AUTS2: variants seen among roughly 807,000 people sequenced by gnomAD.
The protein encoded by AUTS2 is activator of transcription and developmental regulator AUTS2, also known as autism susceptibility gene 2 protein.
A neutral mutation model predicts 112.4 loss-of-function variants in AUTS2; 17 were observed. The ratio of observed to expected loss-of-function variants is 0.15; its 90% CI spans 0.10 to 0.23. The LOEUF (loss-of-function observed/expected upper bound fraction) is 0.23. Ranked by LOEUF, AUTS2 falls within the 10% of genes least tolerant of loss-of-function variation. The pLI is 1.00. For missense variants in AUTS2, 1,510 were observed against 1,701.6 expected, an observed-to-expected ratio of 0.89 and a Z score of 1.98; for synonymous variants, 751 against 702.7, an observed-to-expected ratio of 1.07 and a Z score of -1.09.
intron 5 of AUTS2, among the ~76,000 whole-genome samples, chr7:70,543,190 A>G (rs1800623880): frequency 6.6e-6 from 1 of 152,188 alleles, no homozygotes; most frequent in African/African-American, 2.4e-5. Flanking sequence ...AGGGAGGAGT[A>G]TTATAAAGAG....
Position 70,620,217 on chromosome 7 carries a change from G to A in AUTS2, c.691-78352G>A, listed in dbSNP as rs1313089304. 2.6e-5 allele frequency among the ~76,000 whole-genome samples: 4 copies of A among 152,196 alleles called. No individual in the cohort carries two copies. The East Asian group carries it at 7.7e-4, about 29-fold the overall frequency. ...CCTTCCTGAAAAACTGCATGTAAAT[G>A]CAATTTTTGACAGGTGGAATTTTGT... On this transcript the variant is annotated intron_variant, in intron 5 of 18. Transcript: ENST00000342771.
intron 4 of AUTS2, among the ~76,000 whole-genome samples, chr7:70,170,595 C>CTTTTTTTTTT (rs398005103): frequency 7.9e-6 from 1 of 127,014 alleles, no homozygotes. Context: ...GACACGTTAT[C>CTTTTTTTTTT]TTTTTTTTTT....
chr7:70,295,886 T>A (rs1373883994), intron 4 of AUTS2, among the ~76,000 whole-genome samples: 3 of 152,212 alleles, frequency 2.0e-5, no homozygotes, highest in East Asian at 3.9e-4. Context: ...GAAGCTAAGA[T>A]ATTAACTCAT....
rs186518357 is a variant in AUTS2 at position 70,620,383 on chromosome 7, T to C, written c.691-78186T>C. On this transcript the variant is annotated intron_variant, in intron 5 of 18. Coordinates refer to ENST00000342771, the MANE Select transcript of AUTS2 (RefSeq NM_015570.4). ...AATTCTCCAGCGGAGCGTGTAGCCGTACCCTGGTTTACCTGTTCAAGGAGT... is the reference window on the plus strand; with the variant it reads ...AATTCTCCAGCGGAGCGTGTAGCCGCACCCTGGTTTACCTGTTCAAGGAGT... Among the ~76,000 whole-genome samples, 355 of 152,264 alleles carry C rather than the reference T, an allele frequency of 2.3e-3. 1 individual carries two copies. The highest frequency in any genetic ancestry group is 7.3e-3 in the African/African-American group (302 of 41,546).
intron 6 of AUTS2, among the ~76,000 whole-genome samples, chr7:70,741,700 A>AAAAG (rs958693456): frequency 2.0e-5 from 3 of 152,020 alleles, no homozygotes; most frequent in African/African-American, 7.2e-5. Context: ...TCAAAAAAAA[A>AAAAG]AAAGAAAGAA....
At chr7:70,242,159 A>G (rs1299739784) in intron 4 of AUTS2, among the ~76,000 whole-genome samples, 1 of 152,204 alleles carries the variant, frequency 6.6e-6, no homozygotes, top group Non-Finnish European at 1.5e-5. Context: ...TTAGACATGA[A>G]TAGCCTGGTT....
At chr7:70,126,093 G>A (rs1404558440) in intron 3 of AUTS2, among the ~76,000 whole-genome samples, 6 of 152,180 alleles carry the variant, frequency 3.9e-5, no homozygotes, top group Non-Finnish European at 8.8e-5. Flanking sequence ...CAGTGTAGCT[G>A]TATAATTTGA....
intron 1 of AUTS2, among the ~76,000 whole-genome samples, chr7:69,874,133 C>A (rs1315417243): frequency 6.6e-6 from 1 of 152,084 alleles, no homozygotes; most frequent in Non-Finnish European, 1.5e-5. Context: ...GGGCTCATGC[C>A]TGTAATCTCA....
chr7:70,213,985 C>A (rs1318502499), intron 4 of AUTS2, among the ~76,000 whole-genome samples: 1 of 152,166 alleles, frequency 6.6e-6, no homozygotes, highest in African/African-American at 2.4e-5. Context: ...ATATAAATAT[C>A]ATTTCATTCC....
intron 2 of AUTS2, among the ~76,000 whole-genome samples, chr7:69,979,642 A>G (rs1798211226): frequency 6.6e-6 from 1 of 152,210 alleles, no homozygotes; most frequent in South Asian, 2.1e-4. Flanking sequence ...AGTATGAGGA[A>G]GACTACAGGC....
At chr7:69,919,128 T>C (rs1207772152) in intron 2 of AUTS2, among the ~76,000 whole-genome samples, 1 of 152,146 alleles carries the variant, frequency 6.6e-6, no homozygotes, top group Non-Finnish European at 1.5e-5. Flanking sequence ...GGTATAAAAT[T>C]GACTGGGTTG....
At chr7:70,717,253 C>G (rs1394925105) in intron 6 of AUTS2, among the ~76,000 whole-genome samples, 1 of 151,858 alleles carries the variant, frequency 6.6e-6, no homozygotes, top group Admixed American at 6.6e-5. Context: ...GCTATGTTGC[C>G]CAGGCTAGTC....
intron 5 of AUTS2, among the ~76,000 whole-genome samples, chr7:70,655,406 A>G (rs1271330710): frequency 6.6e-6 from 1 of 152,246 alleles, no homozygotes; most frequent in African/African-American, 2.4e-5. Context: ...CAGTGTTGTC[A>G]CAGAGGACCT....
At chr7:70,443,752 C>T (rs1187320666) in intron 5 of AUTS2, among the ~76,000 whole-genome samples, 5 of 152,272 alleles carry the variant, frequency 3.3e-5, no homozygotes, top group Non-Finnish European at 7.3e-5. Context: ...TACTGATGAA[C>T]TGACATGAGA....
intron 2 of AUTS2, among the ~76,000 whole-genome samples, chr7:69,938,962 A>G (rs1796519375): frequency 6.6e-6 from 1 of 152,232 alleles, no homozygotes; most frequent in Non-Finnish European, 1.5e-5. Flanking sequence ...CTCAAGCTTT[A>G]TGGGAACTGC....
intron 4 of AUTS2, among the ~76,000 whole-genome samples, chr7:70,159,898 G>C (rs1465005481): frequency 6.6e-6 from 1 of 152,038 alleles, no homozygotes; most frequent in Non-Finnish European, 1.5e-5. Flanking sequence ...TTTTATCATG[G>C]TGAAGGGTAT....
intron 2 of AUTS2, among the ~76,000 whole-genome samples, chr7:69,949,762 C>G (rs1217220444): frequency 1.3e-5 from 2 of 152,172 alleles, no homozygotes; most frequent in Non-Finnish European, 2.9e-5. Context: ...CTGGTTGTAG[C>G]CTGGCTCTTA....
At chr7:70,590,921 A>T (rs1802912842) in intron 5 of AUTS2, among the ~76,000 whole-genome samples, 1 of 152,164 alleles carries the variant, frequency 6.6e-6, no homozygotes. Context: ...TATTTATAAC[A>T]CTTCTAGTAA....
intron 1 of AUTS2, among the ~76,000 whole-genome samples, chr7:69,772,350 C>T (rs1339868543): frequency 6.6e-6 from 1 of 152,224 alleles, no homozygotes; most frequent in Non-Finnish European, 1.5e-5. Context: ...CCTTCTCTTA[C>T]TTGTTCAATA....
Sources: gnomAD v4.1 joint callset for allele counts (sites outside exome capture counted in the v4.1 genomes callset) on GRCh38, gnomAD v4.1.1 for gene constraint, MANE v1.5 for transcripts, NCBI Gene and HGNC (gene_info 2026-07-23, HGNC 2026-07-21) for gene names.